ZNF251: variants seen among roughly 807,000 people sequenced by gnomAD.
ZNF251 encodes the protein zinc finger protein 251.
Under a neutral mutation model 13.5 loss-of-function variants are expected in ZNF251, and 14 were observed. The ratio of observed to expected loss-of-function variants is 1.04; its 90% CI spans 0.69 to 1.63. ZNF251 has a LOEUF of 1.63. Ranked by LOEUF, ZNF251 falls within the 40% of genes most tolerant of loss-of-function variation. ZNF251 has a pLI of 0.00. For synonymous variants in ZNF251, 287 were observed against 295.2 expected (o/e 0.97, Z 0.28); for missense variants, 764 against 834.9 (o/e 0.92, Z 1.05).
chr8:144,752,957 A>C (rs1298702507), intron 4 of ZNF251, among the ~76,000 whole-genome samples: 3 of 152,134 alleles, frequency 2.0e-5, no homozygotes, highest in Non-Finnish European at 4.4e-5. Flanking sequence ...GTAGATGTAT[A>C]TTCAATAGAA....
chr8:144,722,892 A>G lies in ZNF251; in HGVS notation c.768T>C (p.His256=), dbSNP rs762781556. The G allele has an allele frequency of 6.2e-7, 1 of 1,613,970 alleles. No individual in the cohort carries two copies. Among genetic ancestry groups the G allele is most frequent in the African/African-American group, 1.3e-5 (1 of 75,032 alleles). The change falls in exon 5 of 5, where the codon CAT becomes CAC. Residue 256 remains histidine, a synonymous_variant. Transcript: ENST00000292562. The surrounding 1 kb of genome is among the most constrained non-coding windows in gnomAD (Gnocchi z 4.8). Reference sequence around the variant, plus strand: ...ATGGTTTATTTCCAGTGTGAATGTGATGGTGCAGAACAAGATTTGAGCTGT... The same window carrying G: ...ATGGTTTATTTCCAGTGTGAATGTGGTGGTGCAGAACAAGATTTGAGCTGT... ...FTHSSNLVLH[H]HIHTGNKPFK...
intron 4 of ZNF251, among the ~76,000 whole-genome samples, chr8:144,728,440 G>T (rs1389201131): frequency 6.6e-6 from 1 of 151,892 alleles, no homozygotes; most frequent in African/African-American, 2.4e-5. Context: ...GAGACGGGCG[G>T]ATCACGAGGT....
chr8:144,730,195 G>C, intron 4 of ZNF251: 1 of 863,032 alleles, frequency 1.2e-6, no homozygotes, highest in South Asian at 5.3e-5. Flanking sequence ...GCCCCTCCAG[G>C]CGCGGGGCCC....
chr8:144,752,042 C>T (rs112068908), intron 4 of ZNF251, among the ~76,000 whole-genome samples: 3 of 149,726 alleles, frequency 2.0e-5, no homozygotes, highest in African/African-American at 7.4e-5. Flanking sequence ...ATGAAGCCAA[C>T]ACTACAAAAA....
intron 3 of ZNF251, 55 bp downstream of exon 3, chr8:144,754,137 C>T (rs757627657): frequency 3.5e-5 from 55 of 1,574,690 alleles, no homozygotes; most frequent in Non-Finnish European, 4.7e-5. Flanking sequence ...AAAGCAGCCT[C>T]CCAAGCTCCT....
At chr8:144,739,826 GT>G (rs1824075674) in intron 4 of ZNF251, among the ~76,000 whole-genome samples, 1 of 151,302 alleles carries the variant, frequency 6.6e-6, no homozygotes, top group South Asian at 2.1e-4. Flanking sequence ...ACCTGGGAGG[GT>G]AAGGCTGCAG....
At chr8:144,744,476 T>C (rs1284622548) in intron 4 of ZNF251, among the ~76,000 whole-genome samples, 1 of 152,182 alleles carries the variant, frequency 6.6e-6, no homozygotes, top group East Asian at 1.9e-4. Flanking sequence ...CATTTTGCCA[T>C]GGAATGAAAT....
At position 144,754,238 on chromosome 8, in the gene ZNF251, G is replaced by T. The variant is rs202211785; in HGVS notation, c.117C>A (p.Leu39=). Residue 39 remains leucine (L), a synonymous_variant, in exon 3 of 5, where the codon CTC becomes CTA. Transcript: ENST00000292562. ...GRQLGPQQRA[L]YRDVMLENYG... ...AGTTCTCCAGCATCACATCCCGGTA[G>T]AGCGCCCGCTGCTGGGGGCCCAGCT... 7 of 1,613,950 alleles carry T rather than the reference G, an allele frequency of 4.3e-6. No individual in the cohort carries two copies. Among genetic ancestry groups the T allele is most frequent in the Non-Finnish European group, 5.9e-6 (7 of 1,179,996 alleles).
intron 4 of ZNF251, among the ~76,000 whole-genome samples, chr8:144,723,971 C>T (rs1274069744): frequency 6.6e-5 from 10 of 152,214 alleles, no homozygotes; most frequent in Admixed American, 1.3e-4. Flanking sequence ...GGGCCAGGCG[C>T]GGTGGCTCAC....
chr8:144,736,671 T>C (rs553222372), intron 4 of ZNF251, among the ~76,000 whole-genome samples: 31 of 151,828 alleles, frequency 2.0e-4, no homozygotes, highest in Middle Eastern at 6.8e-3. Context: ...TTTATATTTT[T>C]AGTAGAGTTG....
intron 4 of ZNF251, among the ~76,000 whole-genome samples, chr8:144,749,546 A>G (rs934453082): frequency 4.6e-5 from 7 of 152,316 alleles, no homozygotes; most frequent in African/African-American, 1.7e-4. Context: ...CATCTACCAC[A>G]TTTGTTACCA....
intron 4 of ZNF251, among the ~76,000 whole-genome samples, chr8:144,727,026 T>A (rs1016028017): frequency 6.6e-6 from 1 of 152,202 alleles, no homozygotes; most frequent in Admixed American, 6.5e-5. Flanking sequence ...CACTCCAGTA[T>A]GGGCAACAGA....
In ZNF251 at chr8:144,727,295, C is replaced by T. The variant is rs996957842; in HGVS notation, c.278-3913G>A. 2.6e-5 allele frequency among the ~76,000 whole-genome samples: 4 copies of T among 152,128 alleles called. No individual in the cohort carries two copies. The South Asian group carries it at 8.3e-4, about 31-fold the overall frequency. On this transcript the variant is annotated intron_variant, in intron 4 of 4. Coordinates refer to ENST00000292562, the MANE Select transcript of ZNF251 (RefSeq NM_138367.2). ...AACAATACAATTTGTGTACATAGTCCCTAACAAGAGAGGCAGCCTGTCCTT... is the reference window on the plus strand; with the variant it reads ...AACAATACAATTTGTGTACATAGTCTCTAACAAGAGAGGCAGCCTGTCCTT...
At position 144,753,525 on chromosome 8, in the gene ZNF251, T is replaced by G. The variant is rs1055178217; in HGVS notation, c.277+158A>C. ...CCAGCAAGATAAAACTTCTAAAGCATGTGCACATGCTCACATTTGTAGAGG... is the reference window on the plus strand; with the variant it reads ...CCAGCAAGATAAAACTTCTAAAGCAGGTGCACATGCTCACATTTGTAGAGG... On this transcript the variant is annotated intron_variant, in intron 4 of 4. Transcript: ENST00000292562. 16 of 582,998 alleles carry G rather than the reference T, an allele frequency of 2.7e-5. 1 individual carries two copies. In the South Asian group the frequency reaches 3.0e-4, roughly 11 times the overall value. 36.1% of individuals were successfully genotyped at this position (582,998 alleles called of 1,614,324 possible).
Position 144,753,785 on chromosome 8 carries a change from G to A in ZNF251, c.175C>T (p.Pro59Ser). The A allele has an allele frequency of 1.3e-6, 2 of 1,578,938 alleles. No homozygotes were observed. Among genetic ancestry groups the A allele is most frequent in the South Asian group, 2.3e-5 (2 of 86,286 alleles). Residue 59 changes from proline to serine, a missense_variant, in exon 4 of 5, where the codon CCT becomes TCT. Coordinates refer to ENST00000292562, the MANE Select transcript of ZNF251 (RefSeq NM_138367.2). ...AGCTGGGAGATCAACTCCGGCTTAGGGACAGGGAATCCTGTTGAGGATGAG... is the reference window on the plus strand; with the variant it reads ...AGCTGGGAGATCAACTCCGGCTTAGAGACAGGGAATCCTGTTGAGGATGAG... ...GNVASLGFPV[P>S]KPELISQLEQ...
chr8:144,738,526 G>T, intron 4 of ZNF251: 1 of 980,598 alleles, frequency 1.0e-6, no homozygotes, highest in Non-Finnish European at 1.2e-6. Context: ...CTCCAGGAGG[G>T]TGTGGCTTTA....
At chr8:144,733,142 C>T (rs1030635698) in intron 4 of ZNF251, among the ~76,000 whole-genome samples, 4 of 151,994 alleles carry the variant, frequency 2.6e-5, no homozygotes, top group Admixed American at 6.6e-5. Context: ...TTGCTTGAAC[C>T]CGGGAGGCAG....
intron 4 of ZNF251, among the ~76,000 whole-genome samples, chr8:144,737,323 C>T (rs1276218565): frequency 1.3e-5 from 2 of 152,080 alleles, no homozygotes; most frequent in African/African-American, 4.8e-5. Flanking sequence ...GTCTTGAACT[C>T]CTGGTCTCAA....
chr8:144,746,425 T>A (rs1824432585), intron 4 of ZNF251, among the ~76,000 whole-genome samples: 1 of 152,270 alleles, frequency 6.6e-6, no homozygotes, highest in South Asian at 2.1e-4. Flanking sequence ...TTTATGTTCA[T>A]AAGAGGTGTC....
Sources: gnomAD v4.1 joint callset for allele counts (sites outside exome capture counted in the v4.1 genomes callset) on GRCh38, gnomAD v4.1.1 for gene constraint, Gnocchi (gnomAD v3.1) non-coding constraint, MANE v1.5 for transcripts, NCBI Gene and HGNC (gene_info 2026-07-23, HGNC 2026-07-21) for gene names.